AMBRA1: variants seen among roughly 807,000 people sequenced by gnomAD.
AMBRA1 encodes the protein autophagy and beclin 1 regulator 1.
Under a neutral mutation model 125.4 loss-of-function variants are expected in AMBRA1, and 47 were observed. The ratio of observed to expected loss-of-function variants is 0.37; its 90% CI spans 0.30 to 0.48. The LOEUF (loss-of-function observed/expected upper bound fraction) is 0.48, where lower values mean the gene tolerates loss of function less well. AMBRA1 is among the 20% of genes least tolerant of loss of function. The probability of loss-of-function intolerance (pLI) is 0.99; values close to 1 mark genes in which losing one functional copy is unlikely to be tolerated. For missense variants in AMBRA1, 1,331 were observed against 1,693.4 expected (o/e 0.79, Z 3.76); for synonymous variants, 626 against 655.5 (o/e 0.95, Z 0.69).
intron 14 of AMBRA1, among the ~76,000 whole-genome samples, chr11:46,422,481 C>A (rs1479429134): frequency 2.0e-5 from 3 of 151,998 alleles, no homozygotes; most frequent in Admixed American, 6.6e-5. Flanking sequence ...GCCTCTCTAC[C>A]CCTCAAACTC....
rs145428746 is a variant in AMBRA1 at position 46,397,943 on chromosome 11, C to T, written c.3404G>A (p.Gly1135Asp). ...PGTAASGPGE[G>D]EGSEYGASGE... ...ACTGGCACCATACTCTGAACCCTCACCTGGCAGATACAAAGCAGAAGAGAG... is the reference window on the plus strand; with the variant it reads ...ACTGGCACCATACTCTGAACCCTCATCTGGCAGATACAAAGCAGAAGAGAG... The change falls in exon 18 of 18, where the codon GGT becomes GAT. Residue 1135 changes from glycine (G) to aspartate (D), a missense_variant and splice_region_variant. By Grantham distance (94) the Gly-to-Asp change is moderately conservative. Transcript: ENST00000683756. 9.6e-5 allele frequency: 153 copies of T among 1,587,034 alleles called. No individual in the cohort carries two copies. The highest frequency in any genetic ancestry group is 1.2e-4 in the Non-Finnish European group (143 of 1,170,398).
intron 8 of AMBRA1, 28 bp downstream of exon 8, chr11:46,512,699 C>A (rs760302235): frequency 6.2e-7 from 1 of 1,606,632 alleles, no homozygotes; most frequent in Non-Finnish European, 8.5e-7. Context: ...CTCCCCCCAC[C>A]TAGTGCCATT....
chr11:46,519,285 A>G (rs1361256597), intron 7 of AMBRA1, among the ~76,000 whole-genome samples: 1 of 152,102 alleles, frequency 6.6e-6, no homozygotes, highest in Non-Finnish European at 1.5e-5. Flanking sequence ...TGGCCTCCCA[A>G]CATGCTGGGA....
chr11:46,569,438 A>ATATAT lies in AMBRA1; in HGVS notation c.-120-20939_-120-20938insATATA, dbSNP rs1320055263. Among the ~76,000 whole-genome samples, 290 of 134,194 alleles carry ATATAT rather than the reference A, an allele frequency of 2.2e-3. 1 individual carries two copies. Among genetic ancestry groups the ATATAT allele is most frequent in the Middle Eastern group, 7.5e-3 (2 of 266 alleles). 88.0% of individuals were successfully genotyped at this position (134,194 alleles called of 152,430 possible). A position where few individuals can be genotyped will look rare whatever the true frequency, so the allele number is the denominator to read the frequency against. On this transcript the variant is annotated intron_variant, in intron 1 of 17. Transcript: ENST00000683756. ...ATATCACTGAGAGATTAAAAAAAAAAAAATATATATATATATATATATATA... is the reference window on the plus strand; with the variant it reads ...ATATCACTGAGAGATTAAAAAAAAAATATATAAATATATATATATATATATATATA...
intron 11 of AMBRA1, among the ~76,000 whole-genome samples, chr11:46,492,942 G>A (rs901403067): frequency 7.9e-5 from 12 of 152,194 alleles, no homozygotes; most frequent in Admixed American, 2.0e-4. Flanking sequence ...CTAGCTACTC[G>A]GGAGGCTGAG....
chr11:46,525,968 G>A (rs547203066), intron 7 of AMBRA1, among the ~76,000 whole-genome samples: 5 of 152,060 alleles, frequency 3.3e-5, no homozygotes, highest in Non-Finnish European at 5.9e-5. Context: ...CACTTTGGGA[G>A]GTCAAGGCGG....
At chr11:46,466,594 A>T (rs113317338) in intron 11 of AMBRA1, among the ~76,000 whole-genome samples, 4 of 152,342 alleles carry the variant, frequency 2.6e-5, no homozygotes, top group South Asian at 2.1e-4. Context: ...GCTTATATAA[A>T]TAATAATAGA....
intron 9 of AMBRA1, among the ~76,000 whole-genome samples, chr11:46,496,341 C>T (rs1950629192): frequency 6.6e-6 from 1 of 152,014 alleles, no homozygotes; most frequent in Non-Finnish European, 1.5e-5. Context: ...GAAATTGCGC[C>T]TTTGCACTCC....
chr11:46,443,506 G>C lies in AMBRA1; in HGVS notation c.2614C>G (p.Leu872Val). The C allele has an allele frequency of 6.2e-7, 1 of 1,613,944 alleles. No individual in the cohort carries two copies. Among genetic ancestry groups the C allele is most frequent in the Non-Finnish European group, 8.5e-7 (1 of 1,179,834 alleles). The change falls in exon 12 of 18, where the codon CTC becomes GTC. Residue 872 changes from leucine to valine, a missense_variant. This residue lies in a region of AMBRA1 where 354 missense variants were observed against 532.7 expected (regional missense o/e 0.66). Transcript: ENST00000683756. ...GACTTACCATTACTGATTTCAGGGA[G>C]GTCAAACTTAGTGAAGTCCCACCAC... is the stretch of plus-strand genomic sequence containing the variant. ...LQWWDFTKFDLPEISNASVNV... is the reference protein window; with the variant it reads ...LQWWDFTKFDVPEISNASVNV...
intron 17 of AMBRA1, among the ~76,000 whole-genome samples, chr11:46,401,524 G>A (rs368977701): frequency 5.9e-5 from 9 of 152,212 alleles, no homozygotes; most frequent in South Asian, 2.1e-4. Context: ...ATGAGCCACC[G>A]CACCCAGCTC....
intron 14 of AMBRA1, among the ~76,000 whole-genome samples, chr11:46,427,151 G>A (rs1431968938): frequency 2.0e-5 from 3 of 152,114 alleles, no homozygotes; most frequent in Admixed American, 6.5e-5. Flanking sequence ...ATAAAGCTGG[G>A]ACAAGTCAAA....
intron 2 of AMBRA1, 147 bp from the exon 3 acceptor site, chr11:46,548,022 G>C: frequency 8.3e-7 from 1 of 1,197,890 alleles, no homozygotes; most frequent in African/African-American, 1.5e-5. Flanking sequence ...CAAATTGAGA[G>C]AGATAAACCT....
At chr11:46,466,295 C>T (rs1350982868) in intron 11 of AMBRA1, among the ~76,000 whole-genome samples, 1 of 151,726 alleles carries the variant, frequency 6.6e-6, no homozygotes, top group Admixed American at 6.6e-5. Context: ...TGCAGTGAGC[C>T]GAGATCGTGC....
intron 15 of AMBRA1, among the ~76,000 whole-genome samples, chr11:46,412,035 T>C (rs1250717305): frequency 6.6e-6 from 1 of 152,164 alleles, no homozygotes; most frequent in Non-Finnish European, 1.5e-5. Flanking sequence ...TTCTTTTCAC[T>C]GCGCTGTAGT....
At chr11:46,515,380 C>G (rs890685567) in intron 7 of AMBRA1, among the ~76,000 whole-genome samples, 2 of 151,932 alleles carry the variant, frequency 1.3e-5, no homozygotes, top group African/African-American at 2.4e-5. Context: ...GGCTGAGGCA[C>G]GAGAATCACT....
At chr11:46,469,112 C>T (rs1949463572) in intron 11 of AMBRA1, among the ~76,000 whole-genome samples, 1 of 152,142 alleles carries the variant, frequency 6.6e-6, no homozygotes, top group South Asian at 2.1e-4. Context: ...CACTGAACTC[C>T]AGCCTGCGTG....
chr11:46,488,946 T>C (rs1950363909), intron 11 of AMBRA1, among the ~76,000 whole-genome samples: 1 of 152,188 alleles, frequency 6.6e-6, no homozygotes, highest in Admixed American at 6.5e-5. Context: ...TCTTGCTCTG[T>C]CGCCCAAGTG....
chr11:46,555,366 G>A (rs1289674695), intron 1 of AMBRA1, among the ~76,000 whole-genome samples: 2 of 151,954 alleles, frequency 1.3e-5, no homozygotes, highest in East Asian at 1.9e-4. Flanking sequence ...CTAGCTATAC[G>A]ACTTTGGGGA....
intron 11 of AMBRA1, among the ~76,000 whole-genome samples, chr11:46,465,425 G>A (rs751276758): frequency 1.9e-4 from 29 of 152,166 alleles, no homozygotes; most frequent in Non-Finnish European, 3.8e-4. Context: ...CTGGGCACAC[G>A]TTACTACAGT....
Sources: gnomAD v4.1 joint callset for allele counts (sites outside exome capture counted in the v4.1 genomes callset) on GRCh38, gnomAD v4.1.1 for gene constraint, gnomAD v4.1.1 regional missense constraint, MANE v1.5 for transcripts, NCBI Gene and HGNC (gene_info 2026-07-23, HGNC 2026-07-21) for gene names.